CFAP74: variants seen among roughly 807,000 people sequenced by gnomAD.
CFAP74 encodes the protein cilia and flagella associated protein 74.
CFAP74 carries 124 observed loss-of-function variants against 188.9 expected under a neutral mutation model. The ratio of observed to expected loss-of-function variants is 0.66; its 90% CI spans 0.57 to 0.76. CFAP74 has a LOEUF of 0.76. Among genes scored for constraint, CFAP74 ranks in the 30% least tolerant of loss-of-function variants. The probability of loss-of-function intolerance (pLI) is 0.00; values close to 1 mark genes in which losing one functional copy is unlikely to be tolerated. For missense variants in CFAP74, 2,198 were observed against 2,165.2 expected, an observed-to-expected ratio of 1.02 and a Z score of -0.30; for synonymous variants, 956 against 916.7, an observed-to-expected ratio of 1.04 and a Z score of -0.77.
intron 6 of CFAP74, among the ~76,000 whole-genome samples, chr1:1,983,045 C>T (rs577695196): frequency 4.6e-5 from 7 of 152,342 alleles, no homozygotes; most frequent in South Asian, 4.1e-4. Flanking sequence ...CACCGCCAAA[C>T]GCAAGGCGGC....
chr1:1,971,359 C>T (rs573174496), intron 9 of CFAP74, among the ~76,000 whole-genome samples: 1 of 149,146 alleles, frequency 6.7e-6, no homozygotes, highest in East Asian at 2.3e-4. Context: ...ACATGCACAC[C>T]TGCACACACA....
chr1:1,955,451 A>G lies in CFAP74; in HGVS notation c.2176+240T>C, dbSNP rs184898221. On this transcript the variant is annotated intron_variant, in intron 18 of 38. Coordinates refer to ENST00000682832, the MANE Select transcript of CFAP74 (RefSeq NM_001304360.2). ...CGCCCGTGCTGGGCCTGCTGGGCCAATGCTGGAGGTGCCTTCAAGTCTTCG... is the reference window on the plus strand; with the variant it reads ...CGCCCGTGCTGGGCCTGCTGGGCCAGTGCTGGAGGTGCCTTCAAGTCTTCG... 360 of 1,541,700 alleles carry G rather than the reference A, an allele frequency of 2.3e-4. 5 individuals are homozygous for G. In the East Asian group the frequency reaches 9.0e-3, roughly 39 times the overall value.
chr1:1,931,432 TAAAA>T (rs34892654), intron 25 of CFAP74, among the ~76,000 whole-genome samples: 1 of 75,376 alleles, frequency 1.3e-5, no homozygotes. Flanking sequence ...CCCATCTCAA[TAAAA>T]AAAAAAAAAA....
At chr1:1,971,685 A>G (rs1656087666) in intron 9 of CFAP74, among the ~76,000 whole-genome samples, 1 of 152,154 alleles carries the variant, frequency 6.6e-6, no homozygotes, top group Non-Finnish European at 1.5e-5. Context: ...GCCTCGAGGC[A>G]CCCAGGCCCT....
chr1:1,928,009 C>G (rs889388359), intron 27 of CFAP74: 1 of 497,280 alleles, frequency 2.0e-6, no homozygotes, highest in African/African-American at 2.0e-5. Context: ...CGGCCAGAAC[C>G]GGGGTCCCCA....
In CFAP74 at chr1:1,974,029, T is replaced by A; in HGVS notation, c.670A>T (p.Ile224Phe). 2 of 1,569,040 alleles carry A rather than the reference T, an allele frequency of 1.3e-6. No individual in the cohort carries two copies. The highest frequency in any genetic ancestry group is 1.7e-6 in the Non-Finnish European group (2 of 1,152,932). The part of the protein sequence containing the change: ...GKVERNRLLR[I>F]RKSLNTQKEL... Reference sequence around the variant, plus strand: ...GTGGGCCTGGGTGTCGCCTACCTGATCCTCAGCAGTCGGTTCCGCTCCACC... The same window carrying A: ...GTGGGCCTGGGTGTCGCCTACCTGAACCTCAGCAGTCGGTTCCGCTCCACC... The change falls in exon 7 of 39, where the codon ATC (isoleucine) becomes TTC (phenylalanine). Residue 224 changes from isoleucine to phenylalanine, a missense_variant. Transcript: ENST00000682832.
chr1:1,967,595 G>A (rs988715331), intron 11 of CFAP74, among the ~76,000 whole-genome samples: 2 of 152,114 alleles, frequency 1.3e-5, no homozygotes, highest in Non-Finnish European at 2.9e-5. Context: ...CTGGGTAGCA[G>A]GAAAGGACCT....
chr1:1,923,933 C>G lies in CFAP74; in HGVS notation c.4235-4G>C. ...TGACCGTTGAGATTCTGCGTCCCTG[C>G]GGGTAGGGTGGGGTGCAGTTTGGCC... On this transcript the variant is annotated splice_region_variant and splice_polypyrimidine_tract_variant and intron_variant, in intron 34 of 38. Transcript: ENST00000682832. This position sits in a 1 kb window ranked among gnomAD's most constrained non-coding sequence, Gnocchi z 6.3. 6.2e-7 allele frequency: 1 copy of G among 1,605,652 alleles called. No individual in the cohort carries two copies. Among genetic ancestry groups the G allele is most frequent in the South Asian group, 1.1e-5 (1 of 90,098 alleles).
rs1235885954 is a variant in CFAP74 at position 1,955,747 on chromosome 1, T to C, written c.2120A>G (p.Gln707Arg). 2 of 1,614,092 alleles carry C rather than the reference T, an allele frequency of 1.2e-6. No homozygotes were observed. The highest frequency in any genetic ancestry group is 1.7e-6 in the Non-Finnish European group (2 of 1,180,048). ...EGTESSQADM[Q>R]SRKELEKLDK... ...CAGCTTCTCCAGCTCCTTCCGGCTC[T>C]GCATGTCCGCCTGGGAGGACTCCGT... is the stretch of plus-strand genomic sequence containing the variant. The change falls in exon 18 of 39, where the codon CAG becomes CGG. Residue 707 changes from glutamine to arginine, a missense_variant. Physicochemically the swap from Gln to Arg is conservative, Grantham distance 43 (BLOSUM62 1). Transcript: ENST00000682832.
chr1:1,940,988 C>G (rs1653331426), intron 22 of CFAP74, among the ~76,000 whole-genome samples: 1 of 152,112 alleles, frequency 6.6e-6, no homozygotes, highest in South Asian at 2.1e-4. Flanking sequence ...TGGCGGGCGC[C>G]TGTAGTCCCA....
At chr1:1,960,380 G>A (rs1202919412) in intron 14 of CFAP74, among the ~76,000 whole-genome samples, 1 of 152,258 alleles carries the variant, frequency 6.6e-6, no homozygotes, top group African/African-American at 2.4e-5. Flanking sequence ...TGGGACCGGG[G>A]CTCTAGGGCT....
chr1:1,990,623 C>T (rs1372917289), intron 2 of CFAP74, among the ~76,000 whole-genome samples: 1 of 152,092 alleles, frequency 6.6e-6, no homozygotes, highest in Non-Finnish European at 1.5e-5. Context: ...AGGTCACATT[C>T]AAAGGATTGG....
chr1:1,959,639 G>T (rs1240809106), intron 15 of CFAP74, among the ~76,000 whole-genome samples: 1 of 152,042 alleles, frequency 6.6e-6, no homozygotes, highest in Non-Finnish European at 1.5e-5. Flanking sequence ...CCCAGCTCGG[G>T]TGACCCCAGG....
chr1:1,948,648 G>T (rs1264911922), intron 18 of CFAP74, among the ~76,000 whole-genome samples: 1 of 140,010 alleles, frequency 7.1e-6, no homozygotes, highest in Non-Finnish European at 1.5e-5. Context: ...CAGTGCAGTG[G>T]TGTGATCACA....
intron 25 of CFAP74, among the ~76,000 whole-genome samples, chr1:1,933,122 G>A (rs574953361): frequency 1.3e-5 from 2 of 151,444 alleles, no homozygotes; most frequent in South Asian, 2.1e-4. Flanking sequence ...TCCTGACCTC[G>A]TGATCTGCGC....
At chr1:1,970,398 G>T (rs1655863057) in intron 10 of CFAP74, among the ~76,000 whole-genome samples, 1 of 152,200 alleles carries the variant, frequency 6.6e-6, no homozygotes, top group Admixed American at 6.5e-5. Context: ...CAGGGGCCGG[G>T]GTTTCAGCGT....
chr1:1,968,620 A>G lies in CFAP74; in HGVS notation c.1245+15T>C. On this transcript the variant is annotated intron_variant, in intron 11 of 38. Coordinates refer to ENST00000682832, the MANE Select transcript of CFAP74 (RefSeq NM_001304360.2). The surrounding 1 kb of genome is among the most constrained non-coding windows in gnomAD (Gnocchi z 4.3). The stretch of plus-strand genomic sequence containing the variant: ...AGGTGTGCGGCTTCTGTCTACAGGA[A>G]GGCGTTTTGCTCACCAGTGTGTACG... The G allele has an allele frequency of 6.2e-7, 1 of 1,609,652 alleles. No individual in the cohort carries two copies. Among genetic ancestry groups the G allele is most frequent in the Non-Finnish European group, 8.5e-7 (1 of 1,176,926 alleles).
chr1:1,988,138 A>G (rs1053785846), intron 4 of CFAP74: 5 of 481,208 alleles, frequency 1.0e-5, no homozygotes, highest in Non-Finnish European at 2.1e-5. Flanking sequence ...GAGACGCTGA[A>G]ATATTTAGGA....
chr1:1,994,284 G>C (rs1657798251), intron 1 of CFAP74, among the ~76,000 whole-genome samples: 1 of 152,070 alleles, frequency 6.6e-6, no homozygotes, highest in African/African-American at 2.4e-5. Context: ...GTAATTCCGG[G>C]TGAAATGTAC....
Sources: allele counts gnomAD v4.1 joint callset (sites outside exome capture counted in the v4.1 genomes callset), GRCh38; gene constraint gnomAD v4.1.1; non-coding constraint Gnocchi (gnomAD v3.1); transcripts MANE v1.5; gene names NCBI Gene and HGNC (gene_info 2026-07-23, HGNC 2026-07-21).